The following CFAP299 variants were observed in gnomAD, a reference collection of about 807,000 sequenced individuals.
The protein encoded by CFAP299 is cilia and flagella associated protein 299, also known as cilia- and flagella-associated protein 299.
CFAP299 carries 21 observed loss-of-function variants against 27.0 expected under a neutral mutation model. That is an observed-to-expected ratio of 0.78 (90% CI 0.55 to 1.12). The LOEUF is 1.12. Ranked by LOEUF, CFAP299 falls within the 50% of genes most tolerant of loss-of-function variation. The pLI, the probability that CFAP299 is intolerant of heterozygous loss-of-function variation, is 0.00. For synonymous variants in CFAP299, 104 were observed against 98.1 expected (o/e 1.06, Z -0.36); for missense variants, 310 against 276.6 (o/e 1.12, Z -0.86).
intron 2 of CFAP299, chr4:80,387,513 C>T (rs1280168195): frequency 7.2e-6 from 6 of 838,072 alleles, no homozygotes; most frequent in Admixed American, 3.8e-5. Context: ...GGAGCTGTGG[C>T]GAGCTTGGTA....
At chr4:80,552,184 A>T (rs1037454507) in intron 2 of CFAP299, among the ~76,000 whole-genome samples, 1 of 152,234 alleles carries the variant, frequency 6.6e-6, no homozygotes, top group African/African-American at 2.4e-5. Context: ...AATATAACTG[A>T]TAAGTACTGC....
At chr4:80,523,258 C>G (rs1171783409) in intron 2 of CFAP299, among the ~76,000 whole-genome samples, 1 of 152,058 alleles carries the variant, frequency 6.6e-6, no homozygotes, top group African/African-American at 2.4e-5. Flanking sequence ...GTAAATGGGA[C>G]TGTTTTCTTG....
chr4:80,924,566 G>A (rs908853626), intron 4 of CFAP299, among the ~76,000 whole-genome samples: 94 of 144,734 alleles, frequency 6.5e-4, no homozygotes, highest in African/African-American at 2.3e-3. Context: ...ATATATATCT[G>A]TGTCTGTAAT....
At chr4:80,569,147 T>C (rs1279686286) in intron 2 of CFAP299, among the ~76,000 whole-genome samples, 1 of 152,076 alleles carries the variant, frequency 6.6e-6, no homozygotes, top group Non-Finnish European at 1.5e-5. Context: ...TCACCCTTTG[T>C]GAACATTCTG....
chr4:80,651,367 C>CTTTT (rs11365987), intron 3 of CFAP299, among the ~76,000 whole-genome samples: 7 of 133,764 alleles, frequency 5.2e-5, no homozygotes, highest in Non-Finnish European at 6.4e-5. Flanking sequence ...TCTTCTTCTT[C>CTTTT]TTTTTTTTTT....
intron 2 of CFAP299, among the ~76,000 whole-genome samples, chr4:80,403,290 T>A (rs932684928): frequency 6.6e-6 from 1 of 152,152 alleles, no homozygotes; most frequent in East Asian, 1.9e-4. Context: ...CTGAAAAAAA[T>A]TTCCTTTTAA....
intron 2 of CFAP299, among the ~76,000 whole-genome samples, chr4:80,390,931 ATG>A (rs1036995639): frequency 2.0e-4 from 8 of 39,674 alleles, no homozygotes; most frequent in Admixed American, 3.7e-4. Context: ...ATATGTATAT[ATG>A]TATATATGTA....
intron 2 of CFAP299, among the ~76,000 whole-genome samples, chr4:80,380,434 T>A (rs1724643914): frequency 6.8e-6 from 1 of 146,858 alleles, no homozygotes; most frequent in African/African-American, 2.5e-5. Flanking sequence ...TTTTTTTTTT[T>A]TTTTTTTTTT....
chr4:80,739,223 CTG>C (rs1724109617), intron 3 of CFAP299, among the ~76,000 whole-genome samples: 1 of 152,052 alleles, frequency 6.6e-6, no homozygotes, highest in South Asian at 2.1e-4. Context: ...TTATACTATT[CTG>C]TGTTTTCCTA....
intron 3 of CFAP299, among the ~76,000 whole-genome samples, chr4:80,802,428 G>T (rs1728661671): frequency 6.6e-6 from 1 of 151,826 alleles, no homozygotes; most frequent in Admixed American, 6.6e-5. Context: ...ATAGAATTAT[G>T]GTTTCTCTAG....
intron 2 of CFAP299, 148 bp from the exon 3 acceptor site, chr4:80,582,945 T>C: frequency 2.2e-6 from 1 of 456,770 alleles, no homozygotes; most frequent in East Asian, 3.4e-5. Context: ...TACAATTAAA[T>C]TGAGGAATCT....
intron 3 of CFAP299, among the ~76,000 whole-genome samples, chr4:80,769,485 C>T (rs867954416): frequency 3.3e-5 from 5 of 152,176 alleles, no homozygotes; most frequent in African/African-American, 9.6e-5. Context: ...GCCTCCACCT[C>T]CTGGCTCAGG....
At chr4:80,404,128 A>G (rs1447718697) in intron 2 of CFAP299, among the ~76,000 whole-genome samples, 1 of 152,164 alleles carries the variant, frequency 6.6e-6, no homozygotes, top group South Asian at 2.1e-4. Context: ...ACTTATTTCA[A>G]TGTATAATTA....
chr4:80,546,152 C>T (rs999757996), intron 2 of CFAP299, among the ~76,000 whole-genome samples: 5 of 152,078 alleles, frequency 3.3e-5, no homozygotes, highest in Non-Finnish European at 5.9e-5. Context: ...ACTAAATGGG[C>T]AAAAGCTGGA....
At chr4:80,928,882 C>T (rs1578245613) in intron 4 of CFAP299, among the ~76,000 whole-genome samples, 1 of 152,092 alleles carries the variant, frequency 6.6e-6, no homozygotes, top group East Asian at 1.9e-4. Flanking sequence ...ATATTCCGTT[C>T]TGTCCTCATA....
chr4:80,474,097 C>G (rs1474387225), intron 2 of CFAP299, among the ~76,000 whole-genome samples: 1 of 152,030 alleles, frequency 6.6e-6, no homozygotes, highest in Non-Finnish European at 1.5e-5. Context: ...CTTCATTATG[C>G]AGAGGAATAT....
intron 4 of CFAP299, among the ~76,000 whole-genome samples, chr4:80,875,443 C>T (rs1733320814): frequency 3.3e-5 from 5 of 151,990 alleles, no homozygotes; most frequent in Admixed American, 3.3e-4. Flanking sequence ...GGGTGGATCA[C>T]AAGGTCAAGA....
At chr4:80,941,750 G>T (rs748583327) in intron 4 of CFAP299, among the ~76,000 whole-genome samples, 4 of 152,186 alleles carry the variant, frequency 2.6e-5, no homozygotes, top group Non-Finnish European at 5.9e-5. Context: ...TGCTTTTGGG[G>T]AGGTCTTAGG....
At chr4:80,879,536 A>T (rs1237279914) in intron 4 of CFAP299, among the ~76,000 whole-genome samples, 3 of 152,150 alleles carry the variant, frequency 2.0e-5, no homozygotes, top group Non-Finnish European at 2.9e-5. Flanking sequence ...TATAATGTTA[A>T]CTTGTTGGTT....
Sources: allele counts gnomAD v4.1 joint callset (sites outside exome capture counted in the v4.1 genomes callset), GRCh38; gene constraint gnomAD v4.1.1; transcripts MANE v1.5; gene names NCBI Gene and HGNC (gene_info 2026-07-23, HGNC 2026-07-21).